Variants in GRK3 observed in about 807,000 individuals in gnomAD.
GRK3 encodes adrenergic, beta, receptor kinase 2.
GRK3 carries 54 observed loss-of-function variants against 95.7 expected under a neutral mutation model. The ratio of observed to expected loss-of-function variants is 0.56; its 90% CI spans 0.45 to 0.71. The LOEUF is 0.71. Ranked by LOEUF, GRK3 falls within the 30% of genes least tolerant of loss-of-function variation. The probability of loss-of-function intolerance (pLI) is 0.00; values close to 1 mark genes in which losing one functional copy is unlikely to be tolerated. For synonymous variants in GRK3, 281 were observed against 290.8 expected, an observed-to-expected ratio of 0.97 and a Z score of 0.34; for missense variants, 649 against 851.2, an observed-to-expected ratio of 0.76 and a Z score of 2.96.
intron 1 of GRK3, among the ~76,000 whole-genome samples, chr22:25,583,282 A>G (rs1307814085): frequency 6.6e-6 from 1 of 151,582 alleles, no homozygotes; most frequent in Non-Finnish European, 1.5e-5. Context: ...TAATTTAGGA[A>G]TTCTTCTCAC....
chr22:25,659,712 T>C (rs950578429), intron 3 of GRK3, among the ~76,000 whole-genome samples: 4 of 152,202 alleles, frequency 2.6e-5, no homozygotes, highest in Admixed American at 2.0e-4. Flanking sequence ...TTACTGATTA[T>C]AGAAAGTGAA....
chr22:25,662,805 G>A lies in GRK3; in HGVS notation c.367-825G>A, dbSNP rs192943491. On this transcript the variant is annotated intron_variant, in intron 4 of 20. Coordinates refer to ENST00000324198, the MANE Select transcript of GRK3 (RefSeq NM_005160.4). ...TCAGCAGTTTAGAGGGTGTTTATTC[G>A]TATGATGGTACTTTTAAGCCTTTCT... Among the ~76,000 whole-genome samples the A allele has an allele frequency of 3.3e-5, 5 of 152,220 alleles. No individual in the cohort carries two copies. In the East Asian group the frequency reaches 7.7e-4, roughly 23 times the overall value.
At chr22:25,693,175 A>G (rs747456017) in intron 12 of GRK3, among the ~76,000 whole-genome samples, 8 of 152,230 alleles carry the variant, frequency 5.3e-5, no homozygotes, top group Non-Finnish European at 1.2e-4. Flanking sequence ...GCTGTGTCTC[A>G]TGTCACAGTG....
intron 8 of GRK3, among the ~76,000 whole-genome samples, chr22:25,677,814 T>G (rs2085043711): frequency 6.6e-6 from 1 of 152,220 alleles, no homozygotes; most frequent in African/African-American, 2.4e-5. Context: ...GTGAAAACAC[T>G]TGCAAGAATT....
chr22:25,614,913 G>A (rs2146350974), intron 2 of GRK3, among the ~76,000 whole-genome samples: 1 of 152,266 alleles, frequency 6.6e-6, no homozygotes, highest in African/African-American at 2.4e-5. Context: ...GACTAAGACA[G>A]AAGGCTCCCA....
At chr22:25,625,564 T>G (rs548576805) in intron 2 of GRK3, among the ~76,000 whole-genome samples, 4 of 152,156 alleles carry the variant, frequency 2.6e-5, no homozygotes, top group Non-Finnish European at 5.9e-5. Context: ...GGAGTCTCCC[T>G]TCCCCCGGGG....
At chr22:25,624,143 C>T (rs573859365) in intron 2 of GRK3, among the ~76,000 whole-genome samples, 1 of 152,200 alleles carries the variant, frequency 6.6e-6, no homozygotes, top group East Asian at 1.9e-4. Context: ...TTAATTTCAG[C>T]GTTCATTGTG....
chr22:25,583,642 G>A (rs1027061254), intron 1 of GRK3, among the ~76,000 whole-genome samples: 1 of 152,188 alleles, frequency 6.6e-6, no homozygotes, highest in Non-Finnish European at 1.5e-5. Context: ...CAGACTCAGT[G>A]TCTGGCTCAG....
rs1453818542 is a variant in GRK3, at chr22:25,714,560, C to T, written c.1644C>T (p.Gly548=). Residue 548 remains glycine, a synonymous_variant, in exon 18 of 21, where the codon GGC becomes GGT. Transcript: ENST00000324198. ...AGAGAGCTAAAAATAAGCAACTTGG[C>T]CACGAAGAAGGTAAAATAGCTCACG... ...ARKRAKNKQL[G]HEEDYALGKD... is the part of the protein sequence containing the mutation. The T allele has an allele frequency of 1.3e-6, 2 of 1,595,116 alleles. No homozygotes were observed. Among genetic ancestry groups the T allele is most frequent in the African/African-American group, 2.7e-5 (2 of 73,778 alleles).
intron 2 of GRK3, among the ~76,000 whole-genome samples, chr22:25,625,017 T>C (rs1601483529): frequency 1.3e-5 from 2 of 151,418 alleles, no homozygotes; most frequent in Non-Finnish European, 2.9e-5. Flanking sequence ...CCCAGGTTCA[T>C]GCCATTCTCC....
chr22:25,712,786 T>A (rs562056813), intron 17 of GRK3, among the ~76,000 whole-genome samples: 8 of 152,206 alleles, frequency 5.3e-5, no homozygotes, highest in Non-Finnish European at 1.2e-4. Context: ...AACTAGTAGC[T>A]TCTATTATTA....
At chr22:25,672,836 C>T (rs1309656567) in intron 7 of GRK3, among the ~76,000 whole-genome samples, 2 of 152,032 alleles carry the variant, frequency 1.3e-5, no homozygotes, top group East Asian at 1.9e-4. Flanking sequence ...CGTTCTAACA[C>T]GTCATCTCCT....
chr22:25,586,480 A>C (rs1327996501), intron 1 of GRK3, among the ~76,000 whole-genome samples: 5 of 152,288 alleles, frequency 3.3e-5, no homozygotes, highest in Admixed American at 3.3e-4. Context: ...TGTCCCCGTA[A>C]ATATATCTAC....
intron 1 of GRK3, among the ~76,000 whole-genome samples, chr22:25,582,764 A>T (rs1316334590): frequency 6.6e-6 from 1 of 152,216 alleles, no homozygotes; most frequent in Non-Finnish European, 1.5e-5. Context: ...AAATAAAGCC[A>T]TAATTCCTCC....
At chr22:25,639,598 T>C (rs1459117787) in intron 2 of GRK3, among the ~76,000 whole-genome samples, 1 of 152,174 alleles carries the variant, frequency 6.6e-6, no homozygotes, top group Non-Finnish European at 1.5e-5. Flanking sequence ...TTGGATAGCG[T>C]TAAGGCTTTG....
intron 8 of GRK3, 31 bp downstream of exon 8, chr22:25,674,559 G>A (rs1180085652): frequency 2.1e-6 from 3 of 1,460,282 alleles, no homozygotes; most frequent in South Asian, 2.4e-5. Flanking sequence ...TGTTTTACTG[G>A]CACTATTAAA....
At chr22:25,606,830 G>A (rs1334857769) in intron 2 of GRK3, among the ~76,000 whole-genome samples, 1 of 152,110 alleles carries the variant, frequency 6.6e-6, no homozygotes, top group Non-Finnish European at 1.5e-5. Flanking sequence ...TGCCGAACTG[G>A]GAGATTGTTT....
chr22:25,577,986 A>G (rs761277142), intron 1 of GRK3, among the ~76,000 whole-genome samples: 2 of 152,210 alleles, frequency 1.3e-5, no homozygotes, highest in East Asian at 1.9e-4. Flanking sequence ...ATTATTTCAT[A>G]TATATATTTG....
intron 14 of GRK3, among the ~76,000 whole-genome samples, 172 bp downstream of exon 14, chr22:25,703,748 GA>G (rs1415376435): frequency 6.6e-6 from 1 of 152,078 alleles, no homozygotes; most frequent in Non-Finnish European, 1.5e-5. Flanking sequence ...ATTTCTAAAA[GA>G]ATTTCTAGGG....
Sources: gnomAD v4.1 joint callset for allele counts (sites outside exome capture counted in the v4.1 genomes callset) on GRCh38, gnomAD v4.1.1 for gene constraint, MANE v1.5 for transcripts, NCBI Gene and HGNC (gene_info 2026-07-23, HGNC 2026-07-21) for gene names.